Variants in PDLIM5 observed in about 807,000 individuals in gnomAD.
PDLIM5 encodes the protein PDZ and LIM domain protein 5.
A neutral mutation model predicts 64.2 loss-of-function variants in PDLIM5; 34 were observed. The observed-to-expected ratio is 0.53, with a 90% CI of 0.40 to 0.71. The LOEUF (loss-of-function observed/expected upper bound fraction) is 0.71, where lower values mean the gene tolerates loss of function less well. Among genes scored for constraint, PDLIM5 ranks in the 30% least tolerant of loss-of-function variants. The pLI, the probability that PDLIM5 is intolerant of heterozygous loss-of-function variation, is 0.00. For missense variants in PDLIM5, 683 were observed against 733.6 expected (o/e 0.93, Z 0.80); for synonymous variants, 253 against 269.1 (o/e 0.94, Z 0.59).
intron 2 of PDLIM5, among the ~76,000 whole-genome samples, chr4:94,485,665 C>G: frequency 6.6e-6 from 1 of 150,892 alleles, no homozygotes; most frequent in African/African-American, 2.4e-5. Context: ...AACCCTGTCT[C>G]TACTAAAAAT....
chr4:94,625,164 A>G lies in PDLIM5; in HGVS notation c.1108+6973A>G, dbSNP rs377644612. Among the ~76,000 whole-genome samples the G allele has an allele frequency of 5.3e-4, 81 of 152,302 alleles. 1 individual carries two copies. The South Asian group carries it at 0.017, about 31-fold the overall frequency. The stretch of plus-strand genomic sequence containing the variant: ...GCCCTCTCTGGGAACTTGACTCCCT[A>G]TAGAGTACCTATGTATCCTCTGTTA... On this transcript the variant is annotated intron_variant, in intron 8 of 12. Coordinates refer to ENST00000317968, the MANE Select transcript of PDLIM5 (RefSeq NM_006457.5).
At position 94,467,805 on chromosome 4, in the gene PDLIM5, C is replaced by T. The variant is rs544698443; in HGVS notation, c.96+12421C>T. Among the ~76,000 whole-genome samples, 7 of 152,176 alleles carry T rather than the reference C, an allele frequency of 4.6e-5. No individual in the cohort carries two copies. In the South Asian group the frequency reaches 1.2e-3, roughly 27 times the overall value. On this transcript the variant is annotated intron_variant, in intron 2 of 12. Transcript: ENST00000317968. ...CAGTTCTACTTCTTTTCTTTAGTGC[C>T]CTGCACAACAAACATGCATGTTTGC...
chr4:94,477,848 C>G (rs943322291), intron 2 of PDLIM5, among the ~76,000 whole-genome samples: 2 of 152,142 alleles, frequency 1.3e-5, no homozygotes, highest in Non-Finnish European at 2.9e-5. Context: ...GACTACTCCA[C>G]ATGAAGAAAG....
intron 7 of PDLIM5, among the ~76,000 whole-genome samples, chr4:94,591,589 C>A (rs1434046212): frequency 1.3e-5 from 2 of 152,194 alleles, no homozygotes; most frequent in African/African-American, 4.8e-5. Flanking sequence ...TGCCCACATG[C>A]AGTGAACTAA....
At chr4:94,644,910 CTTT>C (rs11358467) in intron 9 of PDLIM5, among the ~76,000 whole-genome samples, 2 of 147,658 alleles carry the variant, frequency 1.4e-5, no homozygotes, top group Admixed American at 1.4e-4. Context: ...TGATATTATT[CTTT>C]TTTTTTTAAT....
At chr4:94,614,453 A>T (rs1738615717) in intron 7 of PDLIM5, among the ~76,000 whole-genome samples, 1 of 152,186 alleles carries the variant, frequency 6.6e-6, no homozygotes, top group Non-Finnish European at 1.5e-5. Flanking sequence ...AATAGTAGCT[A>T]ATAGTTAAAA....
rs189011373 is a variant in PDLIM5 at position 94,574,223 on chromosome 4, C to T, written c.291+830C>T. 9.2e-5 allele frequency among the ~76,000 whole-genome samples: 14 copies of T among 152,214 alleles called. No individual in the cohort carries two copies. In the East Asian group the frequency reaches 1.7e-3, roughly 19 times the overall value. On this transcript the variant is annotated intron_variant, in intron 4 of 12. Coordinates refer to ENST00000317968, the MANE Select transcript of PDLIM5 (RefSeq NM_006457.5). ...TCCTATAAGATGAATTGAGGCTGCG[C>T]GCGGTGGGTCACGCCTGTAATCCCA...
intron 7 of PDLIM5, among the ~76,000 whole-genome samples, chr4:94,604,196 A>G (rs2110357441): frequency 6.6e-6 from 1 of 152,350 alleles, no homozygotes; most frequent in Admixed American, 6.5e-5. Context: ...GGCACAAATG[A>G]CAGGAAAAGA....
At chr4:94,640,561 C>T (rs1740926621) in intron 9 of PDLIM5, 111 bp downstream of exon 9, 1 of 666,920 alleles carries the variant, frequency 1.5e-6, no homozygotes, top group Non-Finnish European at 2.6e-6. Context: ...ATATTCTTGC[C>T]ATAATCCTAT....
Position 94,665,608 on chromosome 4 carries a change from T to C in PDLIM5, c.*1541T>C. On this transcript the variant is annotated 3_prime_UTR_variant, in exon 13 of 13. Transcript: ENST00000317968. ...AATCCCCTTTTCTCAAATAATAAAT[T>C]AGTTAAATCAGTTTCTGAGTTATGC... 3 of 990,282 alleles carry C rather than the reference T, an allele frequency of 3.0e-6. No individual in the cohort carries two copies. Among genetic ancestry groups the C allele is most frequent in the Non-Finnish European group, 3.6e-6 (3 of 832,048 alleles). The allele number at this position is 990,282 out of a possible 1,614,324, so 61.3% of individuals were successfully genotyped here. A position where few individuals can be genotyped will look rare whatever the true frequency, so the allele number is the denominator to read the frequency against.
chr4:94,666,037 T>C lies in PDLIM5; in HGVS notation c.*1970T>C. 6.5e-7 allele frequency: 1 copy of C among 1,532,592 alleles called. No individual in the cohort carries two copies. The highest frequency in any genetic ancestry group is 1.4e-5 in the African/African-American group (1 of 73,102). The allele number at this position is 1,532,592 out of a possible 1,614,324, so 94.9% of individuals were successfully genotyped here. On this transcript the variant is annotated 3_prime_UTR_variant, in exon 13 of 13. Transcript: ENST00000317968. ...TCTTTGTTTCCAGAATGGATGAAAG[T>C]CCATGAACCTCCTAAGTTATAATTT...
In PDLIM5 at chr4:94,657,546, T is replaced by C. The variant is rs774897565; in HGVS notation, c.1584T>C (p.Thr528=). 31 of 1,609,378 alleles carry C rather than the reference T, an allele frequency of 1.9e-5. 3 individuals are homozygous for C. The South Asian group carries it at 3.4e-4, about 18-fold the overall frequency. Residue 528 remains threonine (T), a splice_region_variant and synonymous_variant, in exon 11 of 13, where the codon ACT becomes ACC. Transcript: ENST00000317968. ...AGGATGGTGAACCCTACTGTGAGAC[T>C]GGTAAGATCAGGGAGCCATTTGTTT... is the stretch of plus-strand genomic sequence containing the variant. ...HLEDGEPYCE[T]DYYALFGTIC...
intron 7 of PDLIM5, chr4:94,587,057 C>T: frequency 1.2e-6 from 2 of 1,605,062 alleles, no homozygotes; most frequent in Admixed American, 3.4e-5. Context: ...CATGAAGTTT[C>T]AGCACGTGCT....
intron 7 of PDLIM5, chr4:94,610,175 C>T (rs192429921): frequency 6.6e-7 from 1 of 1,524,814 alleles, no homozygotes; most frequent in East Asian, 2.5e-5. Flanking sequence ...AGCAGCTCCA[C>T]AGGAAATGTG....
Position 94,458,489 on chromosome 4 carries a change from TG to T in PDLIM5, c.96+3106del, listed in dbSNP as rs374626815. On this transcript the variant is annotated intron_variant, in intron 2 of 12. Transcript: ENST00000317968. ...GGAACATACAGTTATGGTTTTGTTT[TG>T]TTTTTTTAAACTTATTGTCCACTGA... 7.2e-5 allele frequency among the ~76,000 whole-genome samples: 11 copies of T among 152,292 alleles called. No homozygotes were observed. The South Asian group carries it at 2.1e-3, about 29-fold the overall frequency.
intron 7 of PDLIM5, among the ~76,000 whole-genome samples, chr4:94,608,389 T>A (rs927607344): frequency 6.6e-6 from 1 of 152,220 alleles, no homozygotes; most frequent in Non-Finnish European, 1.5e-5. Flanking sequence ...TAATATAGAA[T>A]CAAGAAATCT....
At chr4:94,563,840 C>G (rs749939833) in intron 3 of PDLIM5, among the ~76,000 whole-genome samples, 8 of 151,176 alleles carry the variant, frequency 5.3e-5, no homozygotes, top group Non-Finnish European at 1.0e-4. Flanking sequence ...CTCTTCCTTT[C>G]TTTTAGTAAG....
In PDLIM5 at chr4:94,576,550, C is replaced by CTAA. The variant is rs1288014310; in HGVS notation, c.710+517_710+519dup. ...TGAAGCATTAGCTTAGAGCAGAGAG[C>CTAA]TAACAACATTGTTTTCAGATAAGTT... is the stretch of plus-strand genomic sequence containing the variant. On this transcript the variant is annotated intron_variant, in intron 5 of 12. Transcript: ENST00000317968. 2.0e-5 allele frequency among the ~76,000 whole-genome samples: 3 copies of CTAA among 152,318 alleles called. No individual in the cohort carries two copies. The East Asian group carries it at 5.8e-4, about 29-fold the overall frequency.
chr4:94,508,769 C>G (rs1375698480), intron 2 of PDLIM5, among the ~76,000 whole-genome samples: 4 of 152,178 alleles, frequency 2.6e-5, no homozygotes, highest in Non-Finnish European at 5.9e-5. Flanking sequence ...ATACTGTGCT[C>G]TTTATCATTA....
Sources: allele counts gnomAD v4.1 joint callset (sites outside exome capture counted in the v4.1 genomes callset), GRCh38; gene constraint gnomAD v4.1.1; transcripts MANE v1.5; gene names NCBI Gene and HGNC (gene_info 2026-07-23, HGNC 2026-07-21).